Variants in GPC5 observed in about 807,000 individuals in gnomAD.
GPC5 encodes glypican-5.
GPC5 carries 47 observed loss-of-function variants against 53.9 expected under a neutral mutation model. The observed-to-expected ratio is 0.87, with a 90% CI of 0.69 to 1.11. The LOEUF is 1.11. GPC5 is among the 50% of genes most tolerant of loss of function. The pLI is 0.00. For missense variants in GPC5, 748 were observed against 713.1 expected (o/e 1.05, Z -0.56); for synonymous variants, 286 against 263.3 (o/e 1.09, Z -0.84).
chr13:92,473,682 TA>T (rs1878993289), intron 7 of GPC5, among the ~76,000 whole-genome samples: 2 of 152,154 alleles, frequency 1.3e-5, no homozygotes, highest in African/African-American at 4.8e-5. Flanking sequence ...GTAAATTGTA[TA>T]TAGACACTGA....
chr13:91,770,404 T>C (rs1409603121), intron 5 of GPC5, among the ~76,000 whole-genome samples: 2 of 152,150 alleles, frequency 1.3e-5, no homozygotes, highest in Admixed American at 6.6e-5. Context: ...CTCTGGAGAA[T>C]GGAAAGTCAA....
intron 6 of GPC5, among the ~76,000 whole-genome samples, chr13:92,113,802 T>C (rs1018624212): frequency 6.6e-6 from 1 of 150,830 alleles, no homozygotes; most frequent in African/African-American, 2.4e-5. Context: ...TAAGACACTT[T>C]AAATAAGTAT....
At chr13:92,546,571 T>C (rs1882122120) in intron 7 of GPC5, among the ~76,000 whole-genome samples, 1 of 152,144 alleles carries the variant, frequency 6.6e-6, no homozygotes, top group African/African-American at 2.4e-5. Context: ...AGAATCAATA[T>C]TGTGAAAATG....
chr13:92,805,926 C>T (rs1411667232), intron 7 of GPC5, among the ~76,000 whole-genome samples: 2 of 152,094 alleles, frequency 1.3e-5, no homozygotes, highest in African/African-American at 4.8e-5. Flanking sequence ...GGCTTTAAGT[C>T]ACCAGCTGCA....
At chr13:92,208,286 C>T (rs910068997) in intron 7 of GPC5, among the ~76,000 whole-genome samples, 7 of 152,186 alleles carry the variant, frequency 4.6e-5, no homozygotes, top group African/African-American at 1.4e-4. Flanking sequence ...CATGGGGTCC[C>T]GCCCCATATG....
intron 7 of GPC5, among the ~76,000 whole-genome samples, chr13:92,699,160 G>A (rs555664599): frequency 3.3e-5 from 5 of 152,234 alleles, no homozygotes; most frequent in African/African-American, 1.2e-4. Context: ...TCTTGGGAGG[G>A]TGTATATGTC....
At position 92,751,302 on chromosome 13, in the gene GPC5, TTAAAAAAAAAA is replaced by T. The variant is rs1412051071; in HGVS notation, c.1562-114979_1562-114969del. ...AAAACCTTTGGTCATCCAGAAACAT[TTAAAAAAAAAA>T]AAAAAAAAAAAAAAAAAAAAAACCT... On this transcript the variant is annotated intron_variant, in intron 7 of 7. Transcript: ENST00000377067. 2.6e-3 allele frequency among the ~76,000 whole-genome samples: 88 copies of T among 34,426 alleles called. 1 individual carries two copies. The highest frequency in any genetic ancestry group is 6.3e-3 in the African/African-American group (62 of 9,806). 22.6% of individuals were successfully genotyped at this position (34,426 alleles called of 152,430 possible).
At chr13:92,600,663 AT>A (rs112159074) in intron 7 of GPC5, among the ~76,000 whole-genome samples, 35 of 139,242 alleles carry the variant, frequency 2.5e-4, no homozygotes, top group African/African-American at 4.2e-4. Context: ...ACACCCAGCT[AT>A]TTTTTTTTTT....
intron 6 of GPC5, among the ~76,000 whole-genome samples, chr13:92,072,840 G>T (rs755555964): frequency 2.6e-5 from 4 of 151,942 alleles, no homozygotes; most frequent in Non-Finnish European, 5.9e-5. Flanking sequence ...CAAAGTGCTG[G>T]GATTACAGGC....
At chr13:91,752,494 G>A (rs1250580880) in intron 4 of GPC5, among the ~76,000 whole-genome samples, 1 of 152,122 alleles carries the variant, frequency 6.6e-6, no homozygotes, top group Non-Finnish European at 1.5e-5. Flanking sequence ...TAATAATTAT[G>A]GTCACCACAT....
chr13:91,753,288 A>G (rs1266807671), intron 4 of GPC5, among the ~76,000 whole-genome samples: 21 of 152,220 alleles, frequency 1.4e-4, no homozygotes, highest in Admixed American at 1.4e-3. Context: ...GATCATAAAT[A>G]TAGTGTAGGA....
chr13:92,508,290 G>A (rs1211696584), intron 7 of GPC5, among the ~76,000 whole-genome samples: 1 of 152,100 alleles, frequency 6.6e-6, no homozygotes, highest in Non-Finnish European at 1.5e-5. Context: ...CAATAAATTA[G>A]CATTCATTTG....
intron 6 of GPC5, among the ~76,000 whole-genome samples, chr13:92,071,616 C>T (rs2041211817): frequency 6.6e-6 from 1 of 151,928 alleles, no homozygotes. Context: ...AATTCTTCCA[C>T]TTGTGCAGCC....
In GPC5 at chr13:91,549,791, T is replaced by A. The variant is rs1056042557; in HGVS notation, c.325+100869T>A. ...GCTGGTGAGGGTGTGGACCAACAGC[T>A]CTCATTAATTGCTGGTGGGAATGCA... On this transcript the variant is annotated intron_variant, in intron 2 of 7. Coordinates refer to ENST00000377067, the MANE Select transcript of GPC5 (RefSeq NM_004466.6). 7.9e-5 allele frequency among the ~76,000 whole-genome samples: 12 copies of A among 152,122 alleles called. 1 individual carries two copies. The highest frequency in any genetic ancestry group is 2.9e-4 in the African/African-American group (12 of 41,428).
intron 7 of GPC5, among the ~76,000 whole-genome samples, chr13:92,698,959 G>T (rs1887642809): frequency 1.3e-5 from 2 of 152,004 alleles, no homozygotes; most frequent in Non-Finnish European, 2.9e-5. Context: ...CATCAAATGA[G>T]TTAGGGATAG....
chr13:91,827,943 A>T (rs2038599561), intron 5 of GPC5, among the ~76,000 whole-genome samples: 1 of 152,062 alleles, frequency 6.6e-6, no homozygotes, highest in Non-Finnish European at 1.5e-5. Flanking sequence ...GGAAATATCC[A>T]TCAACAGCAG....
At chr13:92,016,107 C>T (rs1279812619) in intron 6 of GPC5, among the ~76,000 whole-genome samples, 7 of 152,090 alleles carry the variant, frequency 4.6e-5, no homozygotes, top group African/African-American at 9.7e-5. Context: ...AGATAAGAAT[C>T]GGGTCAAGAA....
In GPC5 at chr13:92,244,655, A is replaced by G. The variant is rs545969057; in HGVS notation, c.1561+99666A>G. ...TAATTTTTGTACTCCCAAACCACTCACACAATGCATTTATACATGTAACAT... is the reference window on the plus strand; with the variant it reads ...TAATTTTTGTACTCCCAAACCACTCGCACAATGCATTTATACATGTAACAT... On this transcript the variant is annotated intron_variant, in intron 7 of 7. Transcript: ENST00000377067. Among the ~76,000 whole-genome samples, 7 of 152,258 alleles carry G rather than the reference A, an allele frequency of 4.6e-5. No individual in the cohort carries two copies. The South Asian group carries it at 1.4e-3, about 32-fold the overall frequency.
intron 7 of GPC5, among the ~76,000 whole-genome samples, chr13:92,848,375 A>G (rs1258314983): frequency 6.6e-6 from 1 of 152,104 alleles, no homozygotes; most frequent in Admixed American, 6.6e-5. Flanking sequence ...CTGTGAGTTT[A>G]TGTAGCTCTA....
Sources: allele counts gnomAD v4.1 joint callset (sites outside exome capture counted in the v4.1 genomes callset), GRCh38; gene constraint gnomAD v4.1.1; transcripts MANE v1.5; gene names NCBI Gene and HGNC (gene_info 2026-07-23, HGNC 2026-07-21).